ALK: variants seen among roughly 807,000 people sequenced by gnomAD.
ALK encodes ALK receptor tyrosine kinase.
Under a neutral mutation model 163.1 loss-of-function variants are expected in ALK, and 74 were observed. That is an observed-to-expected ratio of 0.45 (90% CI 0.38 to 0.55). The LOEUF is 0.55. ALK is among the 20% of genes least tolerant of loss of function. The pLI is 0.00. For missense variants in ALK, 2,063 were observed against 2,105.3 expected (o/e 0.98, Z 0.39); for synonymous variants, 960 against 843.2 (o/e 1.14, Z -2.40).
At chr2:29,731,782 A>G (rs1558463709) in intron 1 of ALK, among the ~76,000 whole-genome samples, 1 of 152,258 alleles carries the variant, frequency 6.6e-6, no homozygotes, top group South Asian at 2.1e-4. Flanking sequence ...AGGACTAAGC[A>G]TTAAAGATAT....
At position 29,548,202 on chromosome 2, in the gene ALK, G is replaced by A. The variant is rs995359408; in HGVS notation, c.953-16086C>T. 3.9e-5 allele frequency among the ~76,000 whole-genome samples: 6 copies of A among 152,144 alleles called. No homozygotes were observed. In the South Asian group the frequency reaches 6.2e-4, roughly 16 times the overall value. On this transcript the variant is annotated intron_variant, in intron 3 of 28. Coordinates refer to ENST00000389048, the MANE Select transcript of ALK (RefSeq NM_004304.5). ...TAAGAGTTAAGTCACAGCCGAGCGCGGTGGCTCACGCCTGTAATCCCAGCA... is the reference window on the plus strand; with the variant it reads ...TAAGAGTTAAGTCACAGCCGAGCGCAGTGGCTCACGCCTGTAATCCCAGCA...
intron 3 of ALK, among the ~76,000 whole-genome samples, chr2:29,602,074 T>C (rs555750352): frequency 6.6e-6 from 1 of 152,194 alleles, no homozygotes; most frequent in African/African-American, 2.4e-5. Context: ...ACTAATTGCC[T>C]GTGGCACTAC....
chr2:29,471,172 T>G (rs1194257139), intron 4 of ALK, among the ~76,000 whole-genome samples: 1 of 152,228 alleles, frequency 6.6e-6, no homozygotes, highest in Non-Finnish European at 1.5e-5. Flanking sequence ...CAGAGAATAT[T>G]CCAGGCCAAG....
At chr2:29,561,327 T>C (rs968125446) in intron 3 of ALK, among the ~76,000 whole-genome samples, 4 of 152,146 alleles carry the variant, frequency 2.6e-5, no homozygotes, top group Non-Finnish European at 5.9e-5. Flanking sequence ...GGAAACTGAG[T>C]GCTTGCATCA....
At chr2:29,236,828 C>T (rs944790020) in intron 13 of ALK, among the ~76,000 whole-genome samples, 4 of 152,200 alleles carry the variant, frequency 2.6e-5, no homozygotes. Flanking sequence ...GCAATCTCAT[C>T]CTGTCTCAAA....
At chr2:29,853,012 T>G (rs1041444409) in intron 1 of ALK, among the ~76,000 whole-genome samples, 2 of 152,126 alleles carry the variant, frequency 1.3e-5, no homozygotes, top group African/African-American at 4.8e-5. Context: ...GATGTGGTTG[T>G]TTAGGGTACA....
chr2:29,310,916 C>T (rs7599783), intron 8 of ALK, among the ~76,000 whole-genome samples: 83,860 of 152,102 alleles, frequency 0.55, 24,684 homozygotes, highest in East Asian at 0.79. Context: ...GGTGTCTGGA[C>T]GGTTGTCATT....
At chr2:29,677,262 TCCC>T (rs1677907155) in intron 3 of ALK, among the ~76,000 whole-genome samples, 2 of 23,730 alleles carry the variant, frequency 8.4e-5, no homozygotes, top group African/African-American at 1.5e-4. Flanking sequence ...TCCCCTCCCC[TCCC>T]CTCCCCTCCC....
chr2:29,583,042 G>GTTTTTTTTTTTTTTTT (rs34611118), intron 3 of ALK, among the ~76,000 whole-genome samples: 1 of 143,630 alleles, frequency 7.0e-6, no homozygotes, highest in Admixed American at 7.0e-5. Context: ...TTTGTTTTTT[G>GTTTTTTTTTTTTTTTT]TTTTTTTGTT....
intron 5 of ALK, among the ~76,000 whole-genome samples, chr2:29,361,462 A>C (rs1668386258): frequency 6.6e-6 from 1 of 152,202 alleles, no homozygotes; most frequent in African/African-American, 2.4e-5. Context: ...TGCTGGCTGC[A>C]TCAATCCTGG....
chr2:29,473,077 A>G (rs964123096), intron 4 of ALK, among the ~76,000 whole-genome samples: 5 of 152,258 alleles, frequency 3.3e-5, no homozygotes, highest in African/African-American at 1.2e-4. Flanking sequence ...CTTGAAGAAC[A>G]AAGTTGGAGC....
At chr2:29,715,260 A>G (rs1679212523) in intron 2 of ALK, among the ~76,000 whole-genome samples, 1 of 152,214 alleles carries the variant, frequency 6.6e-6, no homozygotes, top group African/African-American at 2.4e-5. Flanking sequence ...CCCATAAATC[A>G]ATAGCAACGA....
At chr2:29,478,264 C>T (rs564322045) in intron 4 of ALK, among the ~76,000 whole-genome samples, 13 of 152,378 alleles carry the variant, frequency 8.5e-5, no homozygotes, top group African/African-American at 2.6e-4. Context: ...ACAACTCTCA[C>T]TCCATGTTCC....
chr2:29,277,930 A>G (rs1436129773), intron 9 of ALK, among the ~76,000 whole-genome samples: 2 of 152,248 alleles, frequency 1.3e-5, no homozygotes, highest in African/African-American at 4.8e-5. Context: ...AGAAATCGAC[A>G]TGAACGCTGC....
chr2:29,238,642 A>C (rs1044263822), intron 13 of ALK, among the ~76,000 whole-genome samples: 4 of 152,148 alleles, frequency 2.6e-5, no homozygotes, highest in Non-Finnish European at 4.4e-5. Flanking sequence ...TCAGAGGTGG[A>C]GATGTGAAGC....
chr2:29,548,051 G>A (rs994480753), intron 3 of ALK, among the ~76,000 whole-genome samples: 6 of 152,170 alleles, frequency 3.9e-5, no homozygotes, highest in African/African-American at 1.4e-4. Context: ...GGGAACTGTG[G>A]GGAAAGTTTC....
intron 2 of ALK, among the ~76,000 whole-genome samples, chr2:29,697,333 G>A (rs1678596523): frequency 6.6e-6 from 1 of 152,168 alleles, no homozygotes; most frequent in Non-Finnish European, 1.5e-5. Context: ...GAGGGTCATT[G>A]GGTAAGGAGA....
chr2:29,445,479 C>G (rs985515987), intron 4 of ALK, among the ~76,000 whole-genome samples: 5 of 152,040 alleles, frequency 3.3e-5, no homozygotes, highest in African/African-American at 1.2e-4. Flanking sequence ...ACATCGCTTC[C>G]CAGTGGCAGT....
chr2:29,291,890 G>A (rs1026395528), intron 9 of ALK, among the ~76,000 whole-genome samples: 2 of 152,168 alleles, frequency 1.3e-5, no homozygotes, highest in Non-Finnish European at 2.9e-5. Flanking sequence ...TACACAAAGG[G>A]AGAGTGTTGT....
Sources: allele counts gnomAD v4.1 joint callset (sites outside exome capture counted in the v4.1 genomes callset), GRCh38; gene constraint gnomAD v4.1.1; transcripts MANE v1.5; gene names NCBI Gene and HGNC (gene_info 2026-07-23, HGNC 2026-07-21).